The following PRPF18 variants were observed in gnomAD, a reference collection of about 807,000 sequenced individuals.
The protein encoded by PRPF18 is pre-mRNA processing factor 18, also known as pre-mRNA-splicing factor 18.
In PRPF18, 38 loss-of-function variants were observed where a neutral mutation model predicts 46.5. The observed-to-expected ratio is 0.82, with a 90% CI of 0.63 to 1.07. PRPF18 has a LOEUF of 1.07. Among genes scored for constraint, PRPF18 ranks in the 50% least tolerant of loss-of-function variants. The pLI, the probability that PRPF18 is intolerant of heterozygous loss-of-function variation, is 0.00. For synonymous variants in PRPF18, 152 were observed against 146.7 expected, an observed-to-expected ratio of 1.04 and a Z score of -0.26; for missense variants, 263 against 410.0, an observed-to-expected ratio of 0.64 and a Z score of 3.10.
intron 1 of PRPF18, among the ~76,000 whole-genome samples, chr10:13,589,358 A>C (rs1181508681): frequency 6.6e-6 from 1 of 152,234 alleles, no homozygotes; most frequent in Non-Finnish European, 1.5e-5. Context: ...ACAACCAGCA[A>C]ACTTTAGTAT....
chr10:13,596,383 T>C (rs2133256048), intron 1 of PRPF18, among the ~76,000 whole-genome samples: 2 of 152,336 alleles, frequency 1.3e-5, no homozygotes, highest in South Asian at 4.1e-4. Flanking sequence ...TGGGTTCAAA[T>C]GGTGGCAGGC....
chr10:13,604,902 A>C (rs750251313), intron 3 of PRPF18, among the ~76,000 whole-genome samples: 10 of 152,256 alleles, frequency 6.6e-5, no homozygotes, highest in Non-Finnish European at 1.2e-4. Flanking sequence ...AACAGTTATA[A>C]TTATGTAAAA....
At chr10:13,634,768 G>A (rs1309896310), downstream of PRPF18, among the ~76,000 whole-genome samples, 1 of 152,128 alleles carries the variant, frequency 6.6e-6, no homozygotes, top group Non-Finnish European at 1.5e-5. Flanking sequence ...ACATTCTTAT[G>A]TTTTCTAATC....
chr10:13,628,116 T>C (rs1299416900), intron 9 of PRPF18, among the ~76,000 whole-genome samples: 1 of 152,182 alleles, frequency 6.6e-6, no homozygotes, highest in Admixed American at 6.5e-5. Flanking sequence ...AATACCTGAT[T>C]ACACAGGGAA....
intron 9 of PRPF18, among the ~76,000 whole-genome samples, chr10:13,620,104 T>TA (rs906989954): frequency 2.0e-5 from 3 of 151,922 alleles, no homozygotes; most frequent in Non-Finnish European, 2.9e-5. Flanking sequence ...TGAATTCTCC[T>TA]AAAAAAAAGA....
intron 9 of PRPF18, among the ~76,000 whole-genome samples, chr10:13,622,405 A>G (rs1392812067): frequency 6.6e-6 from 1 of 152,218 alleles, no homozygotes; most frequent in Non-Finnish European, 1.5e-5. Context: ...ATTTTACTGT[A>G]GAGTATTACA....
chr10:13,624,307 T>G (rs534430701), intron 9 of PRPF18, among the ~76,000 whole-genome samples: 494 of 152,348 alleles, frequency 3.2e-3, no homozygotes, highest in Non-Finnish European at 5.2e-3. Context: ...ATGCAGAACA[T>G]TTTCCTCTAA....
chr10:13,589,333 A>G (rs958123504), intron 1 of PRPF18, among the ~76,000 whole-genome samples: 5 of 152,236 alleles, frequency 3.3e-5, no homozygotes, highest in African/African-American at 9.6e-5. Context: ...TTGCAACTCA[A>G]TTACTTTCCT....
chr10:13,650,438 A>T, the PRPF18 span, among the ~76,000 whole-genome samples: 1 of 152,248 alleles, frequency 6.6e-6, no homozygotes, highest in Admixed American at 6.5e-5. Context: ...GTATTCGTGT[A>T]TGTATGTAGG....
In PRPF18 at chr10:13,630,640, T is replaced by C. The variant is rs1227496855; in HGVS notation, c.*300T>C. On this transcript the variant is annotated 3_prime_UTR_variant, in exon 10 of 10. Coordinates refer to ENST00000378572, the MANE Select transcript of PRPF18 (RefSeq NM_003675.4). ...GGGTTTAAAATGACCTTTTTTTCAG[T>C]TGACCCGAAAGTTGTGGTTAGATGA... 5.7e-6 allele frequency: 1 copy of C among 176,580 alleles called. No homozygotes were observed. The highest frequency in any genetic ancestry group is 2.4e-5 in the African/African-American group (1 of 42,390). The allele number at this position is 176,580 out of a possible 1,614,324, so 10.9% of individuals were successfully genotyped here.
intron 1 of PRPF18, among the ~76,000 whole-genome samples, chr10:13,589,593 A>G (rs938677244): frequency 6.6e-6 from 1 of 152,222 alleles, no homozygotes; most frequent in African/African-American, 2.4e-5. Flanking sequence ...CCTACAGTGC[A>G]GATGTCATCA....
chr10:13,606,545 G>GCCAA (rs2080186837), intron 4 of PRPF18, among the ~76,000 whole-genome samples: 1 of 151,844 alleles, frequency 6.6e-6, no homozygotes, highest in Non-Finnish European at 1.5e-5. Context: ...GACCATCCTG[G>GCCAA]CCAACATGGT....
intron 9 of PRPF18, 125 bp downstream of exon 9, chr10:13,616,678 C>T: frequency 8.0e-7 from 1 of 1,251,276 alleles, no homozygotes; most frequent in Non-Finnish European, 1.1e-6. Context: ...GATGGAAGTC[C>T]CCTCTGGATA....
chr10:13,599,504 G>C (rs188547547), intron 2 of PRPF18, among the ~76,000 whole-genome samples: 1 of 152,300 alleles, frequency 6.6e-6, no homozygotes, highest in Admixed American at 6.5e-5. Context: ...CCACAAAGGG[G>C]CTTGTAAATT....
chr10:13,639,146 T>A, the PRPF18 span: 1 of 151,900 alleles, frequency 6.6e-6, no homozygotes, highest in African/African-American at 2.4e-5. Context: ...TGGATGTTGG[T>A]ACATTGTGAT....
At chr10:13,641,569 G>C in the PRPF18 span, 4 of 152,346 alleles carry the variant, frequency 2.6e-5, no homozygotes, top group South Asian at 8.3e-4. Flanking sequence ...CTGAGCCCGG[G>C]GACACCAATG....
the PRPF18 span, chr10:13,643,725 C>T: frequency 1.3e-5 from 2 of 152,616 alleles, no homozygotes; most frequent in African/African-American, 4.8e-5. Context: ...TTTGAAAATG[C>T]TTTAATAAGT....
Position 13,602,704 on chromosome 10 carries a change from T to G in PRPF18, c.249+2356T>G, listed in dbSNP as rs139890987. 2.0e-4 allele frequency among the ~76,000 whole-genome samples: 31 copies of G among 152,318 alleles called. No individual in the cohort carries two copies. The East Asian group carries it at 5.6e-3, about 27-fold the overall frequency. ...ACTTCATAGTCAAAATACTTGAAAT[T>G]TCACGTCACTTACATATTTTAGAAT... On this transcript the variant is annotated intron_variant, in intron 3 of 9. Coordinates refer to ENST00000378572, the MANE Select transcript of PRPF18 (RefSeq NM_003675.4).
chr10:13,596,563 T>C (rs2080038254), intron 1 of PRPF18, among the ~76,000 whole-genome samples: 1 of 152,244 alleles, frequency 6.6e-6, no homozygotes, highest in African/African-American at 2.4e-5. Flanking sequence ...ACAGTGTCTT[T>C]ATTTGAACAA....
Sources: gnomAD v4.1 joint callset for allele counts (sites outside exome capture counted in the v4.1 genomes callset) on GRCh38, gnomAD v4.1.1 for gene constraint, MANE v1.5 for transcripts, NCBI Gene and HGNC (gene_info 2026-07-23, HGNC 2026-07-21) for gene names.